Variants in MKLN1 observed in about 807,000 individuals in gnomAD.
The protein encoded by MKLN1 is muskelin.
MKLN1 carries 18 observed loss-of-function variants against 99.0 expected under a neutral mutation model. The ratio of observed to expected loss-of-function variants is 0.18; its 90% CI spans 0.13 to 0.27. MKLN1 has a LOEUF of 0.27. Among genes scored for constraint, MKLN1 ranks in the 10% least tolerant of loss-of-function variants. MKLN1 has a pLI of 1.00. For missense variants in MKLN1, 621 were observed against 875.9 expected, an observed-to-expected ratio of 0.71 and a Z score of 3.67; for synonymous variants, 288 against 293.2, an observed-to-expected ratio of 0.98 and a Z score of 0.18.
At chr7:131,386,715 G>A (rs569609993) in intron 2 of MKLN1, among the ~76,000 whole-genome samples, 8 of 152,184 alleles carry the variant, frequency 5.3e-5, no homozygotes, top group African/African-American at 1.2e-4. Context: ...TTTTAGTGCC[G>A]CTTTCAAACA....
At position 131,328,840 on chromosome 7, in the gene MKLN1, C is replaced by G. The variant is rs1798978319; in HGVS notation, c.98+843C>G. ...AGGTTTTTGTTGGTGGTGTTTTTTT[C>G]TCTAGCAAATTCCTTCTGAAATGCT... On this transcript the variant is annotated intron_variant, in intron 1 of 17. Transcript: ENST00000352689. 2.0e-5 allele frequency among the ~76,000 whole-genome samples: 3 copies of G among 152,076 alleles called. No individual in the cohort carries two copies. In the South Asian group the frequency reaches 6.2e-4, roughly 32 times the overall value.
At chr7:131,414,179 CATT>C (rs1297131488) in intron 7 of MKLN1, among the ~76,000 whole-genome samples, 1 of 152,048 alleles carries the variant, frequency 6.6e-6, no homozygotes, top group African/African-American at 2.4e-5. Flanking sequence ...AAATTAATAT[CATT>C]AATATAAAAC....
chr7:131,412,741 T>A (rs1794914956), intron 7 of MKLN1, among the ~76,000 whole-genome samples: 1 of 152,214 alleles, frequency 6.6e-6, no homozygotes, highest in Non-Finnish European at 1.5e-5. Flanking sequence ...GTGTAGCAAT[T>A]TCTTAATGCA....
At chr7:131,362,773 C>T (rs1315764746) in intron 1 of MKLN1, among the ~76,000 whole-genome samples, 1 of 151,626 alleles carries the variant, frequency 6.6e-6, no homozygotes, top group Non-Finnish European at 1.5e-5. Flanking sequence ...TTGAAAGATA[C>T]TCTAGACAGA....
chr7:131,420,561 A>G (rs1346863334), intron 8 of MKLN1, among the ~76,000 whole-genome samples: 66 of 152,250 alleles, frequency 4.3e-4, no homozygotes, highest in Non-Finnish European at 1.5e-5. Context: ...ACATCTACAT[A>G]GGTATGTCAA....
intron 1 of MKLN1, 57 bp downstream of exon 1, chr7:131,328,054 G>C (rs368864053): frequency 6.3e-7 from 1 of 1,575,500 alleles, no homozygotes; most frequent in Non-Finnish European, 8.6e-7. Context: ...GCACGGTTGG[G>C]CCAGGGGTGC....
At position 131,192,094 on chromosome 7, in the gene MKLN1, AT is replaced by A. The variant is rs1251790479; in HGVS notation, c.-296-10762del. On this transcript the variant is annotated intron_variant, in intron 2 of 7. Transcript: ENST00000416992. ...ATATATATACATATATATTATATAT[AT>A]ATGTATATATATATTATATATATAC... is the stretch of plus-strand genomic sequence containing the variant. Among the ~76,000 whole-genome samples, 7 of 85,222 alleles carry A rather than the reference AT, an allele frequency of 8.2e-5. 2 individuals carry two copies. The highest frequency in any genetic ancestry group is 3.1e-4 in the African/African-American group (7 of 22,672). 55.9% of individuals were successfully genotyped at this position (85,222 alleles called of 152,430 possible).
intron 7 of MKLN1, among the ~76,000 whole-genome samples, chr7:131,412,313 C>T (rs1794905258): frequency 6.6e-6 from 1 of 152,126 alleles, no homozygotes; most frequent in Admixed American, 6.5e-5. Flanking sequence ...GTTGTAATGC[C>T]ATACACATGT....
rs756174437 is a variant in MKLN1 at position 131,411,287 on chromosome 7, C to T, written c.704-19C>T. ...AAGTAGTTAAGGTGTAATTCTTTCT[C>T]ATTCTTCAATATTTGCAGATGGCTT... is the stretch of plus-strand genomic sequence containing the variant. On this transcript the variant is annotated intron_variant, in intron 6 of 17. Coordinates refer to ENST00000352689, the MANE Select transcript of MKLN1 (RefSeq NM_013255.5). 3.3e-6 allele frequency: 5 copies of T among 1,514,672 alleles called. No individual in the cohort carries two copies. In the African/African-American group the frequency reaches 5.5e-5, roughly 17 times the overall value. 93.8% of individuals were successfully genotyped at this position (1,514,672 alleles called of 1,614,324 possible).
chr7:131,143,438 C>T (rs374553062), intron 2 of MKLN1, among the ~76,000 whole-genome samples: 3 of 152,088 alleles, frequency 2.0e-5, no homozygotes, highest in African/African-American at 7.2e-5. Context: ...TGCATGCCAG[C>T]CCAGGCGACA....
At chr7:131,448,764 T>C (rs1435925516) in intron 12 of MKLN1, among the ~76,000 whole-genome samples, 2 of 152,216 alleles carry the variant, frequency 1.3e-5, no homozygotes, top group Non-Finnish European at 2.9e-5. Flanking sequence ...TTTTTTACTG[T>C]GTGTGTTCAG....
chr7:131,389,525 G>A (rs753035194), intron 4 of MKLN1, among the ~76,000 whole-genome samples: 1 of 151,910 alleles, frequency 6.6e-6, no homozygotes, highest in Non-Finnish European at 1.5e-5. Flanking sequence ...TCGATAGGTT[G>A]CAAATCACTG....
intron 3 of MKLN1, among the ~76,000 whole-genome samples, chr7:131,233,372 A>AT (rs1563261409): frequency 9.3e-5 from 11 of 117,808 alleles, no homozygotes; most frequent in African/African-American, 2.7e-4. Context: ...CCTGTCTCCA[A>AT]AAAATAAATA....
In MKLN1 at chr7:131,225,882, G is replaced by A. The variant is rs117523863; in HGVS notation, c.-179+22908G>A. On this transcript the variant is annotated intron_variant, in intron 3 of 7. Coordinates refer to the MKLN1 transcript ENST00000416992. ...GACTAATGCACTTTTGACCCAAGAA[G>A]GGAAAAAAGGTATAAACAGAGGAGC... Among the ~76,000 whole-genome samples, 527 of 152,224 alleles carry A rather than the reference G, an allele frequency of 3.5e-3. 3 individuals are homozygous for A. The highest frequency in any genetic ancestry group is 0.01 in the Middle Eastern group (3 of 294).
chr7:131,140,350 C>A (rs1036737752), intron 1 of MKLN1, among the ~76,000 whole-genome samples: 1 of 152,094 alleles, frequency 6.6e-6, no homozygotes, highest in Non-Finnish European at 1.5e-5. Flanking sequence ...CTGCTCATGT[C>A]ATATAGCTTG....
At position 131,192,096 on chromosome 7, in the gene MKLN1, A is replaced by AC. The variant is rs1317334152; in HGVS notation, c.-296-10761_-296-10760insC. ...ATATATACATATATATTATATATATATGTATATATATATTATATATATACG... is the reference window on the plus strand; with the variant it reads ...ATATATACATATATATTATATATATACTGTATATATATATTATATATATACG... On this transcript the variant is annotated intron_variant, in intron 2 of 7. Coordinates refer to the MKLN1 transcript ENST00000416992. Among the ~76,000 whole-genome samples the AC allele has an allele frequency of 6.9e-3, 563 of 81,494 alleles. 59 individuals carry two copies. Among genetic ancestry groups the AC allele is most frequent in the African/African-American group, 0.024 (527 of 21,702 alleles). The allele number at this position is 81,494 out of a possible 152,430, so 53.5% of individuals were successfully genotyped here. A position where few individuals can be genotyped will look rare whatever the true frequency, so the allele number is the denominator to read the frequency against.
chr7:131,272,745 A>C (rs1797905732), intron 3 of MKLN1, among the ~76,000 whole-genome samples: 1 of 152,156 alleles, frequency 6.6e-6, no homozygotes, highest in Non-Finnish European at 1.5e-5. Flanking sequence ...ATGAGGAAGA[A>C]GCAAAAGTGG....
intron 1 of MKLN1, among the ~76,000 whole-genome samples, chr7:131,356,439 TC>T (rs769153110): frequency 2.6e-5 from 4 of 151,014 alleles, no homozygotes; most frequent in Non-Finnish European, 5.9e-5. Context: ...CTGTAACATT[TC>T]CCCCCCCAAG....
At chr7:131,338,368 C>G (rs556534515) in intron 1 of MKLN1, among the ~76,000 whole-genome samples, 1 of 152,356 alleles carries the variant, frequency 6.6e-6, no homozygotes, top group East Asian at 1.9e-4. Context: ...TCTCTGCCTC[C>G]TAGTGGCTGT....
Sources: gnomAD v4.1 joint callset for allele counts (sites outside exome capture counted in the v4.1 genomes callset) on GRCh38, gnomAD v4.1.1 for gene constraint, MANE v1.5 for transcripts, NCBI Gene and HGNC (gene_info 2026-07-23, HGNC 2026-07-21) for gene names.